ATP11B: variants seen among roughly 807,000 people sequenced by gnomAD.
ATP11B encodes phospholipid-transporting ATPase IF.
In ATP11B, 81 loss-of-function variants were observed where a neutral mutation model predicts 157.8. The ratio of observed to expected loss-of-function variants is 0.51; its 90% CI spans 0.43 to 0.62. The LOEUF (loss-of-function observed/expected upper bound fraction) is 0.62, where lower values mean the gene tolerates loss of function less well. Among genes scored for constraint, ATP11B ranks in the 20% least tolerant of loss-of-function variants. The probability of loss-of-function intolerance (pLI) is 0.00; values close to 1 mark genes in which losing one functional copy is unlikely to be tolerated. For missense variants in ATP11B, 1,165 were observed against 1,402.2 expected (o/e 0.83, Z 2.70); for synonymous variants, 451 against 469.4 (o/e 0.96, Z 0.51).
intron 1 of ATP11B, among the ~76,000 whole-genome samples, chr3:182,797,707 C>CAAAAAAG (rs10576498): frequency 1.5e-4 from 22 of 147,096 alleles, no homozygotes; most frequent in African/African-American, 5.5e-4. Context: ...GACTCTGTCT[C>CAAAAAAG]AAAAAAGAAA....
chr3:182,841,977 C>CAA (rs11401208), intron 7 of ATP11B, 98 bp from the exon 8 acceptor site: 44,935 of 353,100 alleles, frequency 0.13, 19 homozygotes, highest in South Asian at 0.17. Flanking sequence ...AGACTCGTCT[C>CAA]AAAAAAAAAA....
chr3:182,797,590 C>T (rs568443924), intron 1 of ATP11B, among the ~76,000 whole-genome samples: 1 of 152,138 alleles, frequency 6.6e-6, no homozygotes, highest in Admixed American at 6.5e-5. Flanking sequence ...CACCTGTAAT[C>T]CCAGCTACTC....
intron 29 of ATP11B, chr3:182,915,506 A>G (rs1026286854): frequency 7.8e-5 from 77 of 984,302 alleles, no homozygotes; most frequent in Non-Finnish European, 2.5e-5. Flanking sequence ...TTCATTGCAC[A>G]GAATCAAGAT....
chr3:182,908,284 A>T (rs1409331632), intron 28 of ATP11B, among the ~76,000 whole-genome samples: 1 of 144,242 alleles, frequency 6.9e-6, no homozygotes, highest in African/African-American at 2.6e-5. Flanking sequence ...ATCTTGGCTC[A>T]ATGCGACCTC....
At chr3:182,886,736 T>C (rs1036738518) in intron 23 of ATP11B, among the ~76,000 whole-genome samples, 1 of 152,170 alleles carries the variant, frequency 6.6e-6, no homozygotes, top group Non-Finnish European at 1.5e-5. Context: ...CATACCATAC[T>C]ATACATCTCA....
chr3:182,813,347 G>A (rs748775545), intron 1 of ATP11B, among the ~76,000 whole-genome samples: 10 of 152,174 alleles, frequency 6.6e-5, no homozygotes, highest in Non-Finnish European at 1.3e-4. Flanking sequence ...ATGCACAAGG[G>A]TTCCAGTTTC....
chr3:182,848,840 T>A (rs1035828961), intron 10 of ATP11B, among the ~76,000 whole-genome samples: 2 of 151,882 alleles, frequency 1.3e-5, no homozygotes, highest in African/African-American at 4.8e-5. Context: ...GAAAAAAAAA[T>A]TTAAATAAAC....
chr3:182,860,820 T>G (rs1291828814), intron 12 of ATP11B, among the ~76,000 whole-genome samples: 1 of 152,182 alleles, frequency 6.6e-6, no homozygotes, highest in Non-Finnish European at 1.5e-5. Context: ...TAAAATTGCC[T>G]CTTATCCCAT....
Position 182,889,381 on chromosome 3 carries a change from TA to T in ATP11B, c.2844-28del, listed in dbSNP as rs1289089514. 4.1e-6 allele frequency: 6 copies of T among 1,456,736 alleles called. No homozygotes were observed. The African/African-American group carries it at 8.8e-5, about 21-fold the overall frequency. The allele number at this position is 1,456,736 out of a possible 1,614,324, so 90.2% of individuals were successfully genotyped here. On this transcript the variant is annotated intron_variant, in intron 24 of 29. Coordinates refer to ENST00000323116, the MANE Select transcript of ATP11B (RefSeq NM_014616.3). ...TGGGCAAATAATAAATGATCCCTAATATGTTTCTTTTTCTCTTCTTTTTAAC... is the reference window on the plus strand; with the variant it reads ...TGGGCAAATAATAAATGATCCCTAATTGTTTCTTTTTCTCTTCTTTTTAAC...
intron 10 of ATP11B, among the ~76,000 whole-genome samples, chr3:182,849,692 T>C (rs1719814456): frequency 6.6e-6 from 1 of 151,998 alleles, no homozygotes; most frequent in South Asian, 2.1e-4. Context: ...AAACACAAAT[T>C]ACTCAGTCGA....
intron 8 of ATP11B, chr3:182,843,836 G>C (rs919164741): frequency 6.6e-6 from 1 of 152,102 alleles, no homozygotes; most frequent in African/African-American, 2.4e-5. Context: ...AAATCCTCAA[G>C]ACAAGCCAGC....
intron 4 of ATP11B, 89 bp from the exon 5 acceptor site, chr3:182,835,946 A>G (rs573566016): frequency 1.9e-5 from 18 of 930,082 alleles, no homozygotes; most frequent in African/African-American, 1.7e-4. Context: ...GTAGTGTTCC[A>G]GGGAAGTTTT....
intron 11 of ATP11B, 59 bp downstream of exon 11, chr3:182,858,087 GC>G: frequency 6.8e-7 from 1 of 1,460,806 alleles, no homozygotes; most frequent in Non-Finnish European, 9.4e-7. Context: ...CACGATTAGT[GC>G]TTTGGTAGTG....
chr3:182,885,071 G>A (rs1321027304), intron 22 of ATP11B, among the ~76,000 whole-genome samples, 173 bp downstream of exon 22: 5 of 151,986 alleles, frequency 3.3e-5, no homozygotes, highest in Non-Finnish European at 5.9e-5. Context: ...GGTTGCCTGG[G>A]GCCCAGGGGT....
chr3:182,914,254 T>C lies in ATP11B; in HGVS notation c.3452+260T>C, dbSNP rs1367800960. 6 of 1,242,778 alleles carry C rather than the reference T, an allele frequency of 4.8e-6. No homozygotes were observed. In the African/African-American group the frequency reaches 9.3e-5, roughly 19 times the overall value. The allele number at this position is 1,242,778 out of a possible 1,614,324, so 77.0% of individuals were successfully genotyped here. A position where few individuals can be genotyped will look rare whatever the true frequency, so the allele number is the denominator to read the frequency against. ...AAAAAATTTTGTTTCATAATCTTTC[T>C]AAAATGTGCTCAGTAGGAGTGTGTT... is the stretch of plus-strand genomic sequence containing the variant. On this transcript the variant is annotated intron_variant, in intron 29 of 29. Coordinates refer to ENST00000323116, the MANE Select transcript of ATP11B (RefSeq NM_014616.3).
At chr3:182,800,275 G>A (rs1219486592) in intron 1 of ATP11B, among the ~76,000 whole-genome samples, 1 of 151,078 alleles carries the variant, frequency 6.6e-6, no homozygotes, top group African/African-American at 2.4e-5. Flanking sequence ...AGGCTGTACT[G>A]CAGTGATGTG....
rs1723072651 is a variant in ATP11B at position 182,890,047 on chromosome 3, A to G, written c.2982+499A>G. ...AATGCTACCACATTCTTCATTGCAC[A>G]CTCACAATTCTAAATAGATGTCATA... On this transcript the variant is annotated intron_variant, in intron 25 of 29. Coordinates refer to ENST00000323116, the MANE Select transcript of ATP11B (RefSeq NM_014616.3). Among the ~76,000 whole-genome samples the G allele has an allele frequency of 3.3e-5, 5 of 152,198 alleles. No homozygotes were observed. The South Asian group carries it at 1.0e-3, about 31-fold the overall frequency.
In ATP11B at chr3:182,805,946, T is replaced by C. The variant is rs904983822; in HGVS notation, c.27+12160T>C. On this transcript the variant is annotated intron_variant, in intron 1 of 29. Transcript: ENST00000323116. The stretch of plus-strand genomic sequence containing the variant: ...TTTTAGCATTAGTTTTTAATTAATA[T>C]GGTAATTTTTATTTAGCACAAGGAT... 1.1e-4 allele frequency among the ~76,000 whole-genome samples: 16 copies of C among 152,354 alleles called. No homozygotes were observed. In the East Asian group the frequency reaches 3.1e-3, roughly 29 times the overall value.
chr3:182,854,992 T>G lies in ATP11B; in HGVS notation c.852-2886T>G, dbSNP rs147323498. ...ATTCGTACGGTAAAGATGCCAGATT[T>G]CCCAAATCGATTAATAGGTATAATG... On this transcript the variant is annotated intron_variant, in intron 10 of 29. Transcript: ENST00000323116. Among the ~76,000 whole-genome samples the G allele has an allele frequency of 2.9e-3, 435 of 152,278 alleles. 4 individuals are homozygous for G. Among genetic ancestry groups the G allele is most frequent in the Middle Eastern group, 0.01 (3 of 294 alleles).
Sources: allele counts gnomAD v4.1 joint callset (sites outside exome capture counted in the v4.1 genomes callset), GRCh38; gene constraint gnomAD v4.1.1; transcripts MANE v1.5; gene names NCBI Gene and HGNC (gene_info 2026-07-23, HGNC 2026-07-21).